STPG2: variants seen among roughly 807,000 people sequenced by gnomAD.
The protein encoded by STPG2 is sperm-tail PG-rich repeat-containing protein 2.
STPG2 carries 56 observed loss-of-function variants against 54.2 expected under a neutral mutation model. That is an observed-to-expected ratio of 1.03 (90% CI 0.83 to 1.29). The LOEUF (loss-of-function observed/expected upper bound fraction) is 1.29, where lower values mean the gene tolerates loss of function less well. Ranked by LOEUF, STPG2 falls within the 50% of genes most tolerant of loss-of-function variation. The pLI is 0.00. For missense variants in STPG2, 596 were observed against 544.9 expected, an observed-to-expected ratio of 1.09 and a Z score of -0.93; for synonymous variants, 200 against 181.8, an observed-to-expected ratio of 1.10 and a Z score of -0.81.
chr4:97,520,247 AG>A (rs776970724), intron 4 of STPG2, among the ~76,000 whole-genome samples: 3 of 152,070 alleles, frequency 2.0e-5, no homozygotes, highest in Non-Finnish European at 2.9e-5. Flanking sequence ...CTGAGTTTAA[AG>A]GGGCAGGACA....
intron 8 of STPG2, among the ~76,000 whole-genome samples, chr4:97,858,369 T>G (rs1729398300): frequency 6.6e-6 from 1 of 152,146 alleles, no homozygotes; most frequent in African/African-American, 2.4e-5. Flanking sequence ...GTGCAAACCT[T>G]ACAGGCCATG....
chr4:97,910,610 A>C (rs1235886684), intron 8 of STPG2, among the ~76,000 whole-genome samples: 1 of 152,258 alleles, frequency 6.6e-6, no homozygotes, highest in Non-Finnish European at 1.5e-5. Context: ...ACTAAAACAG[A>C]AGATGTAAAT....
At chr4:97,629,525 C>G (rs1721191648) in intron 10 of STPG2, among the ~76,000 whole-genome samples, 1 of 151,856 alleles carries the variant, frequency 6.6e-6, no homozygotes, top group Admixed American at 6.6e-5. Flanking sequence ...CTTGAACATG[C>G]ACTTTAAGAA....
chr4:98,030,159 T>C (rs1341210449), intron 5 of STPG2, among the ~76,000 whole-genome samples: 1 of 152,224 alleles, frequency 6.6e-6, no homozygotes, highest in Admixed American at 6.5e-5. Flanking sequence ...GCCATCAATA[T>C]ACCAGACTAT....
At chr4:97,658,589 G>A (rs1334946369) in intron 10 of STPG2, among the ~76,000 whole-genome samples, 1 of 152,120 alleles carries the variant, frequency 6.6e-6, no homozygotes, top group Non-Finnish European at 1.5e-5. Context: ...GCTGGAAGTA[G>A]CAAAGGATAT....
chr4:97,448,430 T>A (rs540040646), intron 4 of STPG2, among the ~76,000 whole-genome samples: 1 of 152,262 alleles, frequency 6.6e-6, no homozygotes, highest in African/African-American at 2.4e-5. Context: ...TCCCCACATG[T>A]CAAAGGAGGG....
intron 10 of STPG2, among the ~76,000 whole-genome samples, chr4:97,627,094 A>G (rs921281519): frequency 1.3e-5 from 2 of 152,162 alleles, no homozygotes; most frequent in Non-Finnish European, 2.9e-5. Flanking sequence ...ACTAAAATGC[A>G]TCTGATAACC....
chr4:97,552,818 A>G (rs969680857), intron 4 of STPG2, among the ~76,000 whole-genome samples: 3 of 152,150 alleles, frequency 2.0e-5, no homozygotes, highest in African/African-American at 7.2e-5. Context: ...CAAGTTCTCA[A>G]TGCATCCGAG....
At chr4:98,020,741 T>C (rs1393643231) in intron 5 of STPG2, among the ~76,000 whole-genome samples, 1 of 152,238 alleles carries the variant, frequency 6.6e-6, no homozygotes, top group African/African-American at 2.4e-5. Flanking sequence ...CCTGGTTTAG[T>C]CTTAGGAAGG....
intron 5 of STPG2, among the ~76,000 whole-genome samples, chr4:98,053,519 C>T (rs1280267641): frequency 7.3e-6 from 1 of 136,240 alleles, no homozygotes; most frequent in African/African-American, 2.8e-5. Flanking sequence ...TCTCTAAATA[C>T]TTATAAAAGC....
intron 8 of STPG2, among the ~76,000 whole-genome samples, chr4:97,862,502 C>A (rs1271370368): frequency 6.6e-6 from 1 of 152,072 alleles, no homozygotes; most frequent in Non-Finnish European, 1.5e-5. Context: ...TAATAGGAGA[C>A]TTTAACACCC....
chr4:98,137,335 C>A (rs985772349), intron 1 of STPG2, among the ~76,000 whole-genome samples: 2 of 150,828 alleles, frequency 1.3e-5, no homozygotes, highest in Non-Finnish European at 3.0e-5. Flanking sequence ...CCATAATAAT[C>A]AGGATAGTGT....
intron 9 of STPG2, among the ~76,000 whole-genome samples, chr4:97,833,360 A>T (rs1007182276): frequency 1.3e-5 from 2 of 152,240 alleles, no homozygotes; most frequent in Non-Finnish European, 2.9e-5. Context: ...TTAACTCAAG[A>T]TGAATTAAAC....
intron 5 of STPG2, among the ~76,000 whole-genome samples, chr4:98,097,060 T>C (rs946169740): frequency 6.6e-6 from 1 of 152,072 alleles, no homozygotes; most frequent in African/African-American, 2.4e-5. Context: ...AGAACTAATA[T>C]CAATCCTACT....
At chr4:97,583,105 T>C (rs1282506134) in intron 10 of STPG2, among the ~76,000 whole-genome samples, 1 of 152,034 alleles carries the variant, frequency 6.6e-6, no homozygotes, top group East Asian at 1.9e-4. Flanking sequence ...GTAGATTTGA[T>C]GATTTCAGCT....
chr4:97,494,713 G>A (rs573801031), intron 4 of STPG2, among the ~76,000 whole-genome samples: 11 of 73,332 alleles, frequency 1.5e-4, no homozygotes, highest in African/African-American at 4.4e-4. Flanking sequence ...AGAGTTTTGC[G>A]GAAGGAGTAA....
At chr4:97,785,362 T>A (rs1726792641) in intron 9 of STPG2, among the ~76,000 whole-genome samples, 1 of 152,084 alleles carries the variant, frequency 6.6e-6, no homozygotes, top group Non-Finnish European at 1.5e-5. Flanking sequence ...TACAGTCTAT[T>A]TTTATTAGAG....
At chr4:97,935,759 C>G (rs1366567832) in intron 8 of STPG2, among the ~76,000 whole-genome samples, 1 of 152,096 alleles carries the variant, frequency 6.6e-6, no homozygotes, top group Non-Finnish European at 1.5e-5. Context: ...AGTATGATTT[C>G]TGTTCTTTTG....
intron 8 of STPG2, among the ~76,000 whole-genome samples, chr4:97,912,051 C>T: frequency 6.6e-6 from 1 of 151,940 alleles, no homozygotes; most frequent in Non-Finnish European, 1.5e-5. Context: ...GGGACCCAGG[C>T]GATTAGGGTC....
Sources: gnomAD v4.1 joint callset for allele counts (sites outside exome capture counted in the v4.1 genomes callset) on GRCh38, gnomAD v4.1.1 for gene constraint, MANE v1.5 for transcripts, NCBI Gene and HGNC (gene_info 2026-07-23, HGNC 2026-07-21) for gene names.